Variants in TTF1 observed in about 807,000 individuals in gnomAD.
TTF1 encodes transcription termination factor, RNA polymerase I.
Under a neutral mutation model 80.2 loss-of-function variants are expected in TTF1, and 64 were observed. The ratio of observed to expected loss-of-function variants is 0.80; its 90% CI spans 0.65 to 0.98. The LOEUF (loss-of-function observed/expected upper bound fraction) is 0.98. TTF1 is among the 50% of genes least tolerant of loss of function. The pLI is 0.00. For missense variants in TTF1, 1,023 were observed against 1,086.2 expected (o/e 0.94, Z 0.82); for synonymous variants, 372 against 382.7 (o/e 0.97, Z 0.33).
intron 1 of TTF1, among the ~76,000 whole-genome samples, chr9:132,403,442 G>A (rs1377901814): frequency 6.6e-6 from 1 of 151,864 alleles, no homozygotes; most frequent in Non-Finnish European, 1.5e-5. Flanking sequence ...AGCTTGTTTT[G>A]CTTCCTCAAA....
At chr9:132,396,307 AC>A in intron 5 of TTF1, 125 bp downstream of exon 5, 1 of 928,558 alleles carries the variant, frequency 1.1e-6, no homozygotes. Context: ...CAAATACACC[AC>A]CTGGTTTCAC....
At chr9:132,382,781 AAAAGTC>A (rs1449212016) in intron 9 of TTF1, among the ~76,000 whole-genome samples, 1 of 151,658 alleles carries the variant, frequency 6.6e-6, no homozygotes, top group African/African-American at 2.4e-5. Flanking sequence ...AAAAAAAAAA[AAAAGTC>A]AGGTGTGGTG....
intron 10 of TTF1, among the ~76,000 whole-genome samples, chr9:132,377,578 G>GGT (rs138655437): frequency 0.11 from 1,973 of 17,402 alleles, 196 homozygotes; most frequent in Non-Finnish European, 0.25. Context: ...GAGTGCATGT[G>GGT]GTGTGTGTGA....
intron 1 of TTF1, among the ~76,000 whole-genome samples, chr9:132,403,350 A>G (rs1177719308): frequency 6.6e-6 from 1 of 152,208 alleles, no homozygotes; most frequent in African/African-American, 2.4e-5. Context: ...AGAGAACAAC[A>G]GTGCCTTGCA....
chr9:132,377,191 GCAT>G, intron 10 of TTF1, among the ~76,000 whole-genome samples: 1 of 146,614 alleles, frequency 6.8e-6, no homozygotes, highest in African/African-American at 2.7e-5. Flanking sequence ...GTGAGTGCAT[GCAT>G]GTGGTGTGAG....
intron 7 of TTF1, among the ~76,000 whole-genome samples, chr9:132,389,019 G>A (rs1849516475): frequency 6.6e-6 from 1 of 152,082 alleles, no homozygotes; most frequent in East Asian, 1.9e-4. Flanking sequence ...GTAAATAAAC[G>A]TTCAGAGTTT....
In TTF1 at chr9:132,402,293, A is replaced by C. The variant is rs751477572; in HGVS notation, c.529T>G (p.Ser177Ala). 1 of 1,614,042 alleles carries C rather than the reference A, an allele frequency of 6.2e-7. No individual in the cohort carries two copies. Among genetic ancestry groups the C allele is most frequent in the South Asian group, 1.1e-5 (1 of 91,086 alleles). Reference protein sequence around the residue: ...KNKKHQRKAASWESQRARDTL... With the variant: ...KNKKHQRKAAAWESQRARDTL... ...TCCCTTGCCCGCTGGCTCTCCCAGG[A>C]TGCAGCTTTCCTCTGATGCTTTTTA... Residue 177 changes from serine (S) to alanine (A), a missense_variant, in exon 2 of 11, where the codon TCC (serine) becomes GCC (alanine). Transcript: ENST00000334270.
At position 132,402,086 on chromosome 9, in the gene TTF1, C is replaced by A; in HGVS notation, c.736G>T (p.Ala246Ser). 1.2e-6 allele frequency: 2 copies of A among 1,614,124 alleles called. No individual in the cohort carries two copies. The highest frequency in any genetic ancestry group is 1.7e-5 in the Admixed American group (1 of 60,014). The change falls in exon 2 of 11, where the codon GCC (alanine) becomes TCC (serine). Residue 246 changes from alanine to serine, a missense_variant. Coordinates refer to ENST00000334270, the MANE Select transcript of TTF1 (RefSeq NM_007344.4). ...TGGGATTCCTGCATATCAGTCCCGG[C>A]CTCTCTGCCTGCTTGCGATCCTTCA... ...MPEGSQAGRE[A>S]GTDMQESQPT... is the part of the protein sequence containing the mutation.
intron 10 of TTF1, among the ~76,000 whole-genome samples, chr9:132,378,580 G>A (rs1849300592): frequency 1.4e-5 from 1 of 72,784 alleles, no homozygotes; most frequent in Non-Finnish European, 2.4e-5. Context: ...GAGTGCATGT[G>A]GTGTGTGAAT....
intron 1 of TTF1, among the ~76,000 whole-genome samples, chr9:132,406,433 C>T (rs894717325): frequency 1.3e-5 from 2 of 152,086 alleles, no homozygotes; most frequent in Non-Finnish European, 2.9e-5. Context: ...GAAACCCTGT[C>T]TCTACTAAAA....
intron 10 of TTF1, among the ~76,000 whole-genome samples, chr9:132,377,407 GGT>G (rs560606691): frequency 8.1e-5 from 10 of 123,250 alleles, no homozygotes; most frequent in Admixed American, 3.2e-4. Context: ...GAGTGCATGT[GGT>G]GTGTGTGAGT....
intron 9 of TTF1, among the ~76,000 whole-genome samples, chr9:132,381,893 A>C (rs1156815796): frequency 2.6e-5 from 4 of 152,166 alleles, no homozygotes; most frequent in Admixed American, 2.6e-4. Context: ...TTCCTAATGG[A>C]CCAATGGCGA....
At chr9:132,391,944 A>G in intron 6 of TTF1, 132 bp downstream of exon 6, 1 of 1,415,652 alleles carries the variant, frequency 7.1e-7, no homozygotes, top group Non-Finnish European at 9.4e-7. Flanking sequence ...AGTATAGAGA[A>G]CAGCTTAAGA....
rs142692524 is a variant in TTF1, at chr9:132,402,087, C to T, written c.735G>A (p.Glu245=). Reference sequence around the variant, plus strand: ...GGGATTCCTGCATATCAGTCCCGGCCTCTCTGCCTGCTTGCGATCCTTCAG... The same window carrying T: ...GGGATTCCTGCATATCAGTCCCGGCTTCTCTGCCTGCTTGCGATCCTTCAG... ...AMPEGSQAGR[E]AGTDMQESQP... Residue 245 remains glutamate (E), a synonymous_variant, in exon 2 of 11, where the codon GAG becomes GAA. Transcript: ENST00000334270. 4 of 1,614,090 alleles carry T rather than the reference C, an allele frequency of 2.5e-6. No homozygotes were observed. In the South Asian group the frequency reaches 4.4e-5, roughly 18 times the overall value.
chr9:132,377,289 A>G (rs1377476213), intron 10 of TTF1, among the ~76,000 whole-genome samples: 22 of 64,298 alleles, frequency 3.4e-4, no homozygotes, highest in East Asian at 1.5e-3. Flanking sequence ...CATGTGGTGC[A>G]TGTGAATGCA....
chr9:132,388,061 C>T (rs1423719543), intron 8 of TTF1, 78 bp downstream of exon 8: 7 of 1,151,318 alleles, frequency 6.1e-6, no homozygotes, highest in Non-Finnish European at 7.6e-6. Flanking sequence ...AATCTCACTG[C>T]AGACTCTGCT....
chr9:132,402,459 C>G lies in TTF1; in HGVS notation c.363G>C (p.Lys121Asn). The change falls in exon 2 of 11, where the codon AAG becomes AAC. Residue 121 changes from lysine (K) to asparagine (N), a missense_variant. Transcript: ENST00000334270. ...TATCAACACAAACAACATCAACATC[C>G]TTTCTAAAATGCTTTGGTGTGTTGT... The part of the protein sequence containing the change: ...NINNTPKHFR[K>N]DVDVVCVDMS... The G allele has an allele frequency of 1.2e-6, 2 of 1,614,208 alleles. No individual in the cohort carries two copies. The highest frequency in any genetic ancestry group is 1.7e-6 in the Non-Finnish European group (2 of 1,180,040).
intron 9 of TTF1, among the ~76,000 whole-genome samples, chr9:132,385,010 A>G (rs1007124375): frequency 3.3e-5 from 5 of 152,354 alleles, no homozygotes; most frequent in African/African-American, 1.2e-4. Flanking sequence ...GAAAAACAGC[A>G]AAATCAAACT....
At chr9:132,389,996 G>A (rs1849532794) in intron 7 of TTF1, among the ~76,000 whole-genome samples, 1 of 151,988 alleles carries the variant, frequency 6.6e-6, no homozygotes, top group Non-Finnish European at 1.5e-5. Flanking sequence ...ATTTTTTTGA[G>A]ACAGAGCCTC....
Sources: gnomAD v4.1 joint callset for allele counts (sites outside exome capture counted in the v4.1 genomes callset) on GRCh38, gnomAD v4.1.1 for gene constraint, MANE v1.5 for transcripts, NCBI Gene and HGNC (gene_info 2026-07-23, HGNC 2026-07-21) for gene names.